Variants in TOP6BL observed in about 807,000 individuals in gnomAD.
The protein encoded by TOP6BL is TOP6B like initiator of meiotic double strand breaks, also known as type 2 DNA topoisomerase 6 subunit B-like.
At chr11:66,836,069 A>G in the TOP6BL span, among the ~76,000 whole-genome samples, 1 of 152,098 alleles carries the variant, frequency 6.6e-6, no homozygotes, top group Non-Finnish European at 1.5e-5. Context: ...TGTTTTTCTT[A>G]CTGCCATTCT....
chr11:66,774,672 T>C, the TOP6BL span, among the ~76,000 whole-genome samples: 5 of 151,844 alleles, frequency 3.3e-5, no homozygotes, highest in Admixed American at 6.6e-5. Context: ...AGGGTTTCAC[T>C]GTGTTAGCCA....
At chr11:66,842,573 T>C in the TOP6BL span, among the ~76,000 whole-genome samples, 33 of 152,052 alleles carry the variant, frequency 2.2e-4, no homozygotes, top group Non-Finnish European at 4.0e-4. Flanking sequence ...GAAGAATCTA[T>C]ACAGAAAGTT....
At chr11:66,787,477 A>G in the TOP6BL span, among the ~76,000 whole-genome samples, 1 of 150,230 alleles carries the variant, frequency 6.7e-6, no homozygotes, top group Non-Finnish European at 1.5e-5. Context: ...AGGCTGAGGC[A>G]GGCGGATCAC....
chr11:66,841,369 G>T, the TOP6BL span, among the ~76,000 whole-genome samples: 1 of 152,034 alleles, frequency 6.6e-6, no homozygotes, highest in Middle Eastern at 3.4e-3. Flanking sequence ...GCCCGCCTCG[G>T]CCCCCCAAAG....
the TOP6BL span, among the ~76,000 whole-genome samples, chr11:66,759,994 C>T: frequency 6.6e-6 from 1 of 152,090 alleles, no homozygotes; most frequent in Non-Finnish European, 1.5e-5. Flanking sequence ...ATTTTTATTT[C>T]TTATGGTTGT....
the TOP6BL span, among the ~76,000 whole-genome samples, chr11:66,764,684 G>T: frequency 1.4e-5 from 2 of 142,158 alleles, no homozygotes; most frequent in East Asian, 2.7e-4. Flanking sequence ...AAAAAATAAA[G>T]AAGTGAAAAT....
At chr11:66,790,299 A>G in the TOP6BL span, among the ~76,000 whole-genome samples, 1 of 152,108 alleles carries the variant, frequency 6.6e-6, no homozygotes, top group Non-Finnish European at 1.5e-5. Flanking sequence ...ACTTGATCCC[A>G]AGGAACCTGG....
At chr11:66,811,103 A>G in the TOP6BL span, among the ~76,000 whole-genome samples, 1 of 151,908 alleles carries the variant, frequency 6.6e-6, no homozygotes, top group Admixed American at 6.6e-5. Context: ...ACAGGTGTAC[A>G]CCACCATACC....
the TOP6BL span, chr11:66,814,060 A>G: frequency 1.3e-6 from 2 of 1,542,582 alleles, no homozygotes; most frequent in Non-Finnish European, 1.8e-6. Flanking sequence ...CATTTGAAGA[A>G]TATTAGATAA....
At chr11:66,784,925 C>CT in the TOP6BL span, among the ~76,000 whole-genome samples, 9 of 127,212 alleles carry the variant, frequency 7.1e-5, no homozygotes, top group East Asian at 4.5e-4. Context: ...AATTTCTTTT[C>CT]TTTTTTTTGT....
chr11:66,789,792 T>G, the TOP6BL span, among the ~76,000 whole-genome samples: 1 of 152,332 alleles, frequency 6.6e-6, no homozygotes. Flanking sequence ...AAGTTGAGAT[T>G]CAGAGAACTT....
At chr11:66,774,412 CTTGT>C in the TOP6BL span, among the ~76,000 whole-genome samples, 1 of 151,970 alleles carries the variant, frequency 6.6e-6, no homozygotes, top group African/African-American at 2.4e-5. Context: ...ATCTCTCCTC[CTTGT>C]TTTTCTTTTT....
chr11:66,831,048 C>CA, the TOP6BL span, among the ~76,000 whole-genome samples: 1 of 151,806 alleles, frequency 6.6e-6, no homozygotes, highest in African/African-American at 2.4e-5. Context: ...AACAAAGGTT[C>CA]AAAAAAGAAC....
At chr11:66,819,305 G>C in the TOP6BL span, among the ~76,000 whole-genome samples, 1 of 151,826 alleles carries the variant, frequency 6.6e-6, no homozygotes, top group Admixed American at 6.6e-5. Flanking sequence ...AAAAGCATTT[G>C]GTGGTCAAAA....
At chr11:66,779,597 A>AGT in the TOP6BL span, among the ~76,000 whole-genome samples, 2 of 152,212 alleles carry the variant, frequency 1.3e-5, no homozygotes, top group African/African-American at 4.8e-5. Flanking sequence ...TGTGGAAGTC[A>AGT]GTGTGGTGAT....
chr11:66,821,894 A>T, the TOP6BL span: 1 of 1,103,414 alleles, frequency 9.1e-7, no homozygotes, highest in South Asian at 1.5e-5. Flanking sequence ...CACCTGGGTG[A>T]TCTTGTAACA....
the TOP6BL span, among the ~76,000 whole-genome samples, chr11:66,829,615 C>T: frequency 1.3e-5 from 2 of 149,892 alleles, no homozygotes; most frequent in African/African-American, 2.5e-5. Flanking sequence ...GGGCTGGGAA[C>T]GATGGCTCAT....
At chr11:66,815,858 A>G in the TOP6BL span, 1 of 504,472 alleles carries the variant, frequency 2.0e-6, no homozygotes, top group Non-Finnish European at 3.5e-6. Flanking sequence ...TACTATTTTA[A>G]TGTTCTTCCT....
the TOP6BL span, chr11:66,796,036 G>A: frequency 2.6e-6 from 1 of 378,668 alleles, no homozygotes; most frequent in South Asian, 6.4e-5. Flanking sequence ...TGACATTATG[G>A]GTTTTACTCT....
Sources: gnomAD v4.1 joint callset for allele counts (sites outside exome capture counted in the v4.1 genomes callset) on GRCh38, gnomAD v4.1.1 for gene constraint, MANE v1.5 for transcripts, NCBI Gene and HGNC (gene_info 2026-07-23, HGNC 2026-07-21) for gene names.